DPT: variants seen among roughly 807,000 people sequenced by gnomAD.
DPT encodes dermatopontin.
A neutral mutation model predicts 31.2 loss-of-function variants in DPT; 21 were observed. The observed-to-expected ratio is 0.67, with a 90% CI of 0.48 to 0.97. DPT has a LOEUF of 0.97. DPT is among the 50% of genes least tolerant of loss of function. The pLI is 0.00. For missense variants in DPT, 262 were observed against 258.8 expected, an observed-to-expected ratio of 1.01 and a Z score of -0.08; for synonymous variants, 91 against 86.9, an observed-to-expected ratio of 1.05 and a Z score of -0.26.
chr1:168,708,646 C>T (rs1649776311), intron 2 of DPT, among the ~76,000 whole-genome samples: 1 of 152,132 alleles, frequency 6.6e-6, no homozygotes, highest in African/African-American at 2.4e-5. Flanking sequence ...TATACATGCG[C>T]CAGGTTGGTG....
chr1:168,714,014 C>A (rs983778235), intron 2 of DPT, among the ~76,000 whole-genome samples: 14 of 152,080 alleles, frequency 9.2e-5, no homozygotes, highest in African/African-American at 3.4e-4. Flanking sequence ...TCCTTTTCTG[C>A]CAAAAGAAGG....
intron 1 of DPT, among the ~76,000 whole-genome samples, chr1:168,726,459 C>G (rs181768578): frequency 2.7e-4 from 41 of 152,334 alleles, no homozygotes; most frequent in African/African-American, 8.7e-4. Context: ...CAGGGGTGAG[C>G]CACAGCTCTG....
At chr1:168,714,467 A>G in intron 1 of DPT, 121 bp from the exon 2 acceptor site, 7 of 1,234,756 alleles carry the variant, frequency 5.7e-6, no homozygotes, top group Non-Finnish European at 7.9e-6. Context: ...AATTTATTCC[A>G]TTTTATGCAA....
intron 1 of DPT, among the ~76,000 whole-genome samples, chr1:168,720,372 T>C (rs752563601): frequency 6.6e-6 from 1 of 152,180 alleles, no homozygotes; most frequent in East Asian, 1.9e-4. Context: ...TCCAAAGCTA[T>C]TGGACAGGCA....
intron 1 of DPT, among the ~76,000 whole-genome samples, chr1:168,727,099 T>A (rs575842406): frequency 1.3e-5 from 2 of 152,342 alleles, no homozygotes; most frequent in South Asian, 2.1e-4. Context: ...GAGGAAGAAC[T>A]GCCCTGAATC....
intron 1 of DPT, among the ~76,000 whole-genome samples, chr1:168,726,612 G>A (rs2101914701): frequency 6.6e-6 from 1 of 152,340 alleles, no homozygotes; most frequent in African/African-American, 2.4e-5. Context: ...CAGAGCCTAG[G>A]GCTCTTCCTC....
chr1:168,701,633 A>G (rs1173514831), intron 2 of DPT, among the ~76,000 whole-genome samples: 1 of 152,232 alleles, frequency 6.6e-6, no homozygotes, highest in African/African-American at 2.4e-5. Context: ...TAAGATGTAC[A>G]TATTGCGATA....
At chr1:168,717,151 A>G (rs1650002373) in intron 1 of DPT, among the ~76,000 whole-genome samples, 1 of 152,190 alleles carries the variant, frequency 6.6e-6, no homozygotes, top group South Asian at 2.1e-4. Flanking sequence ...CAATGGTTGA[A>G]CTAATTTACA....
At chr1:168,698,810 A>G (rs1301297260) in intron 3 of DPT, among the ~76,000 whole-genome samples, 1 of 152,166 alleles carries the variant, frequency 6.6e-6, no homozygotes, top group Non-Finnish European at 1.5e-5. Context: ...GTGGAGGGAA[A>G]GCTCTTGCAC....
Position 168,714,488 on chromosome 1 carries a change from T to G in DPT, c.306-142A>C. On this transcript the variant is annotated intron_variant, in intron 1 of 3. Transcript: ENST00000367817. The stretch of plus-strand genomic sequence containing the variant: ...TTCCATTTTATGCAAATAATAGTCT[T>G]TATTATATTTGTAGAAATAACATAG... 5 of 1,091,272 alleles carry G rather than the reference T, an allele frequency of 4.6e-6. No homozygotes were observed. The East Asian group carries it at 1.3e-4, about 29-fold the overall frequency. The allele number at this position is 1,091,272 out of a possible 1,614,324, so 67.6% of individuals were successfully genotyped here.
intron 3 of DPT, among the ~76,000 whole-genome samples, chr1:168,697,860 T>C (rs1032378780): frequency 3.9e-5 from 6 of 152,196 alleles, no homozygotes; most frequent in Non-Finnish European, 7.3e-5. Context: ...TGTACTCAAA[T>C]CTTGGTCTTT....
intron 2 of DPT, among the ~76,000 whole-genome samples, chr1:168,709,628 A>C (rs1181182097): frequency 6.6e-6 from 1 of 152,184 alleles, no homozygotes; most frequent in Non-Finnish European, 1.5e-5. Context: ...CTGAATCCCT[A>C]AGTGCTCACA....
intron 2 of DPT, among the ~76,000 whole-genome samples, chr1:168,703,646 C>T (rs1036487082): frequency 1.3e-5 from 2 of 152,124 alleles, no homozygotes; most frequent in Admixed American, 6.6e-5. Flanking sequence ...GTTATTTTGT[C>T]TTGTTTTTGT....
At chr1:168,717,840 G>C (rs1650019471) in intron 1 of DPT, among the ~76,000 whole-genome samples, 1 of 152,140 alleles carries the variant, frequency 6.6e-6, no homozygotes, top group African/African-American at 2.4e-5. Context: ...TAATCACTTT[G>C]TAAATGCCTG....
chr1:168,711,621 C>T (rs10918962), intron 2 of DPT, among the ~76,000 whole-genome samples: 1 of 152,178 alleles, frequency 6.6e-6, no homozygotes, highest in Non-Finnish European at 1.5e-5. Flanking sequence ...TAACCAACCC[C>T]GCTCTCAAGT....
At position 168,696,571 on chromosome 1, in the gene DPT, T is replaced by A. The variant is rs1261613573; in HGVS notation, c.584A>T (p.Asp195Val). The A allele has an allele frequency of 6.2e-7, 1 of 1,614,058 alleles. No individual in the cohort carries two copies. The stretch of plus-strand genomic sequence containing the variant: ...AATCTAAACATTTGCAAATTCACAG[T>A]CGTATTCAGTCATCCGGCACATTAT... Reference protein sequence around the residue: ...KFIMCRMTEYDCEFANV With the variant: ...KFIMCRMTEYVCEFANV Residue 195 changes from aspartate (D) to valine (V), a missense_variant, in exon 4 of 4, where the codon GAC becomes GTC. Asp to Val is a radical substitution (Grantham distance 152). Transcript: ENST00000367817.
chr1:168,707,297 ATTG>A (rs1158348424), intron 2 of DPT, among the ~76,000 whole-genome samples: 4 of 152,192 alleles, frequency 2.6e-5, no homozygotes, highest in African/African-American at 9.7e-5. Flanking sequence ...AAGCCTATGA[ATTG>A]TTATTATTTC....
intron 3 of DPT, among the ~76,000 whole-genome samples, chr1:168,697,158 G>A (rs1254212957): frequency 1.3e-5 from 2 of 152,120 alleles, no homozygotes; most frequent in African/African-American, 4.8e-5. Flanking sequence ...CAGCTACTTG[G>A]GAGGCTGAGG....
At chr1:168,714,667 C>T (rs574818676) in intron 1 of DPT, among the ~76,000 whole-genome samples, 7 of 152,064 alleles carry the variant, frequency 4.6e-5, no homozygotes, top group Non-Finnish European at 8.8e-5. Flanking sequence ...TTTACAAATT[C>T]GAGATTGTAT....
Sources: allele counts gnomAD v4.1 joint callset (sites outside exome capture counted in the v4.1 genomes callset), GRCh38; gene constraint gnomAD v4.1.1; transcripts MANE v1.5; gene names NCBI Gene and HGNC (gene_info 2026-07-23, HGNC 2026-07-21).